Variants in TMEM269 observed in about 807,000 individuals in gnomAD.
TMEM269 encodes the protein transmembrane protein 269.
A neutral mutation model predicts 15.8 loss-of-function variants in TMEM269; 12 were observed. The observed-to-expected ratio is 0.76, with a 90% CI of 0.49 to 1.23. The LOEUF (loss-of-function observed/expected upper bound fraction) is 1.23, where lower values mean the gene tolerates loss of function less well. Among genes scored for constraint, TMEM269 ranks in the 50% most tolerant of loss-of-function variants. The pLI is 0.00. For synonymous variants in TMEM269, 93 were observed against 99.3 expected (o/e 0.94, Z 0.38); for missense variants, 211 against 245.4 (o/e 0.86, Z 0.94).
rs1653865348 is a variant in TMEM269, at chr1:42,800,218, AATG to A, written c.*1995_*1997del. Reference sequence around the variant, plus strand: ...TTGCCTCCAGTTTTTTTTGTAGGTTAATGACACTAGGATAGTTATAGGTCAGCT... The same window carrying A: ...TTGCCTCCAGTTTTTTTTGTAGGTTAACACTAGGATAGTTATAGGTCAGCT... On this transcript the variant is annotated 3_prime_UTR_variant, in exon 6 of 6. Coordinates refer to ENST00000637012, the MANE Select transcript of TMEM269 (RefSeq NM_001354602.2). 2 of 152,226 alleles carry A rather than the reference AATG, an allele frequency of 1.3e-5. No homozygotes were observed. Among genetic ancestry groups the A allele is most frequent in the South Asian group, 4.1e-4 (2 of 4,822 alleles). 9.4% of individuals were successfully genotyped at this position (152,226 alleles called of 1,614,324 possible).
At chr1:42,796,229 T>G (rs986877605) in intron 5 of TMEM269, among the ~76,000 whole-genome samples, 4 of 152,216 alleles carry the variant, frequency 2.6e-5, no homozygotes, top group African/African-American at 9.7e-5. Context: ...AACAGTAGTA[T>G]TGCTTAGTGT....
At chr1:42,793,234 GA>G (rs1653731775) in intron 3 of TMEM269, among the ~76,000 whole-genome samples, 1 of 152,192 alleles carries the variant, frequency 6.6e-6, no homozygotes, top group Non-Finnish European at 1.5e-5. Flanking sequence ...TGGCAGAGAG[GA>G]GATGAAAATT....
At chr1:42,793,794 CGGG>C in intron 4 of TMEM269, 50 bp downstream of exon 4, 1 of 1,521,308 alleles carries the variant, frequency 6.6e-7, no homozygotes, top group Non-Finnish European at 8.8e-7. Flanking sequence ...GAGCACAGAA[CGGG>C]GGGCTGTCGG....
At chr1:42,798,049 A>G in intron 5 of TMEM269, 49 bp from the exon 6 acceptor site, 2 of 1,548,468 alleles carry the variant, frequency 1.3e-6, no homozygotes, top group Non-Finnish European at 1.7e-6. Flanking sequence ...TAGAAAGCAT[A>G]GAAGACAGCT....
At chr1:42,790,004 G>A (rs1653654584) in intron 2 of TMEM269, 70 bp downstream of exon 2, 5 of 1,203,128 alleles carry the variant, frequency 4.2e-6, no homozygotes, top group Non-Finnish European at 6.0e-6. Context: ...GAGAGGGAGA[G>A]TTTGGAGAGC....
intron 5 of TMEM269, among the ~76,000 whole-genome samples, chr1:42,795,788 G>T (rs1653782131): frequency 6.6e-6 from 1 of 152,168 alleles, no homozygotes; most frequent in Admixed American, 6.5e-5. Context: ...ACATCTATGG[G>T]GATCCAGAGT....
At chr1:42,796,202 C>T (rs1653788479) in intron 5 of TMEM269, among the ~76,000 whole-genome samples, 1 of 152,168 alleles carries the variant, frequency 6.6e-6, no homozygotes, top group South Asian at 2.1e-4. Context: ...CCTCCACCTC[C>T]CCTTCTCCTA....
intron 2 of TMEM269, among the ~76,000 whole-genome samples, chr1:42,791,201 C>T (rs968539955): frequency 1.3e-5 from 2 of 152,172 alleles, no homozygotes. Context: ...GGCAGAAAAT[C>T]AGCAAACACA....
Position 42,797,840 on chromosome 1 carries a change from GA to G in TMEM269, c.485-257del, listed in dbSNP as rs1653814163. ...TGTTTTCCCTAACAAAGGCAATTCA[GA>G]TTTATTATTGGCTGGAACTTCTGAT... On this transcript the variant is annotated intron_variant, in intron 5 of 5. Coordinates refer to ENST00000637012, the MANE Select transcript of TMEM269 (RefSeq NM_001354602.2). This position sits in a 1 kb window ranked among gnomAD's most constrained non-coding sequence, Gnocchi z 4.9. 1 of 628,844 alleles carries G rather than the reference GA, an allele frequency of 1.6e-6. No individual in the cohort carries two copies. The highest frequency in any genetic ancestry group is 3.0e-6 in the Non-Finnish European group (1 of 330,126). The allele number at this position is 628,844 out of a possible 1,614,324, so 39.0% of individuals were successfully genotyped here.
rs1024825329 is a variant in TMEM269 at position 42,793,624 on chromosome 1, G to A, written c.163G>A (p.Val55Ile). Residue 55 changes from valine to isoleucine, a missense_variant, in exon 4 of 6, where the codon GTC becomes ATC. Transcript: ENST00000637012. ...AGGAGCCGAGCTGAATGACTTTGCC[G>A]TCTTCACCACCTTCGGCTTGGCCTC... ...KLGAELNDFAVFTTFGLASAL... is the reference protein window; with the variant it reads ...KLGAELNDFAIFTTFGLASAL... 3.9e-6 allele frequency: 6 copies of A among 1,550,162 alleles called. No individual in the cohort carries two copies. Among genetic ancestry groups the A allele is most frequent in the East Asian group, 2.4e-5 (1 of 40,884 alleles).
chr1:42,785,883 C>G (rs566056112), intron 1 of TMEM269, among the ~76,000 whole-genome samples: 11 of 152,328 alleles, frequency 7.2e-5, no homozygotes, highest in South Asian at 6.2e-4. Context: ...GCTTGCACAT[C>G]CCCTTGTCCA....
intron 2 of TMEM269, among the ~76,000 whole-genome samples, chr1:42,790,712 C>T (rs576580543): frequency 3.3e-5 from 5 of 151,674 alleles, no homozygotes; most frequent in Admixed American, 6.6e-5. Flanking sequence ...GGATTACAAA[C>T]GTGAGCCACT....
Position 42,798,351 on chromosome 1 carries a change from G to A in TMEM269, c.*126G>A. 7.9e-7 allele frequency: 1 copy of A among 1,272,190 alleles called. No homozygotes were observed. Among genetic ancestry groups the A allele is most frequent in the Non-Finnish European group, 1.1e-6 (1 of 943,898 alleles). The allele number at this position is 1,272,190 out of a possible 1,614,324, so 78.8% of individuals were successfully genotyped here. On this transcript the variant is annotated 3_prime_UTR_variant, in exon 6 of 6. Transcript: ENST00000637012. ...CATATACTAGATATATGGTATGTCT[G>A]TTGCCATGAAGTTAGAAACCCAAAG...
chr1:42,786,114 C>T (rs1357827250), intron 1 of TMEM269, among the ~76,000 whole-genome samples: 2 of 152,196 alleles, frequency 1.3e-5, no homozygotes, highest in African/African-American at 2.4e-5. Flanking sequence ...GACTGTTGAG[C>T]GTTCATCTGA....
chr1:42,798,015 G>T, intron 5 of TMEM269, 83 bp from the exon 6 acceptor site: 1 of 1,459,922 alleles, frequency 6.8e-7, no homozygotes, highest in Non-Finnish European at 9.4e-7. Context: ...AAGAATGGGA[G>T]GGTGGGGACG....
rs1359089478 is a variant in TMEM269 at position 42,796,998 on chromosome 1, G to A, written c.485-1100G>A. 8.6e-5 allele frequency among the ~76,000 whole-genome samples: 13 copies of A among 152,014 alleles called. No homozygotes were observed. The South Asian group carries it at 1.7e-3, about 19-fold the overall frequency. ...AGAAGTGGGTTTGAATCAGGACCTCGTACAGGTTACTTCTGTTTCTTCTTA... is the reference window on the plus strand; with the variant it reads ...AGAAGTGGGTTTGAATCAGGACCTCATACAGGTTACTTCTGTTTCTTCTTA... On this transcript the variant is annotated intron_variant, in intron 5 of 5. Transcript: ENST00000637012.
chr1:42,793,626 C>A lies in TMEM269; in HGVS notation c.165C>A (p.Val55=), dbSNP rs1345650502. Residue 55 remains valine, a synonymous_variant, in exon 4 of 6, where the codon GTC becomes GTA. Transcript: ENST00000637012. ...GAGCCGAGCTGAATGACTTTGCCGT[C>A]TTCACCACCTTCGGCTTGGCCTCCG... is the stretch of plus-strand genomic sequence containing the variant. The part of the protein sequence containing the change: ...KLGAELNDFA[V]FTTFGLASAL... The A allele has an allele frequency of 3.2e-6, 5 of 1,550,246 alleles. No individual in the cohort carries two copies. The East Asian group carries it at 1.2e-4, about 38-fold the overall frequency.
Position 42,793,695 on chromosome 1 carries a change from C to T in TMEM269, c.234C>T (p.Ala78=). ...ATGGACTTCTGAGTGGGATCCTGGC[C>T]ATCATCTATGTGTCAGCTGCTTCTT... The part of the protein sequence containing the change: ...GVDGLLSGIL[A]IIYVSAASFH... Residue 78 remains alanine, a synonymous_variant, in exon 4 of 6, where the codon GCC becomes GCT. Transcript: ENST00000637012. 1 of 1,550,628 alleles carries T rather than the reference C, an allele frequency of 6.4e-7. No homozygotes were observed. The highest frequency in any genetic ancestry group is 8.7e-7 in the Non-Finnish European group (1 of 1,146,974).
At chr1:42,796,029 A>G (rs1399526518) in intron 5 of TMEM269, among the ~76,000 whole-genome samples, 5 of 152,210 alleles carry the variant, frequency 3.3e-5, no homozygotes, top group African/African-American at 9.6e-5. Flanking sequence ...ACTCTAGCAC[A>G]TATTAGTTGA....
Sources: gnomAD v4.1 joint callset for allele counts (sites outside exome capture counted in the v4.1 genomes callset) on GRCh38, gnomAD v4.1.1 for gene constraint, Gnocchi (gnomAD v3.1) non-coding constraint, MANE v1.5 for transcripts, NCBI Gene and HGNC (gene_info 2026-07-23, HGNC 2026-07-21) for gene names.